The following DCC variants were observed in gnomAD, a reference collection of about 807,000 sequenced individuals.
DCC encodes the protein DCC netrin 1 receptor.
In DCC, 58 loss-of-function variants were observed where a neutral mutation model predicts 172.5. That is an observed-to-expected ratio of 0.34 (90% CI 0.27 to 0.42). DCC has a LOEUF of 0.42. Ranked by LOEUF, DCC falls within the 10% of genes least tolerant of loss-of-function variation. The pLI is 1.00. For missense variants in DCC, 1,740 were observed against 1,791.0 expected, an observed-to-expected ratio of 0.97 and a Z score of 0.51; for synonymous variants, 709 against 644.5, an observed-to-expected ratio of 1.10 and a Z score of -1.52.
intron 1 of DCC, among the ~76,000 whole-genome samples, chr18:52,423,266 C>A (rs917725338): frequency 6.6e-6 from 1 of 152,082 alleles, no homozygotes; most frequent in African/African-American, 2.4e-5. Context: ...TACACAAGTG[C>A]AGAAAAACAA....
At chr18:52,889,569 A>C (rs1438010274) in intron 2 of DCC, among the ~76,000 whole-genome samples, 1 of 152,142 alleles carries the variant, frequency 6.6e-6, no homozygotes, top group African/African-American at 2.4e-5. Context: ...AGTGGGGTAG[A>C]AAATTTATAA....
intron 1 of DCC, among the ~76,000 whole-genome samples, chr18:52,438,718 C>T (rs1003403343): frequency 6.6e-6 from 1 of 152,142 alleles, no homozygotes; most frequent in Non-Finnish European, 1.5e-5. Context: ...TATGTATGTA[C>T]TTGGCACTCA....
chr18:52,496,926 A>T (rs889419871), intron 1 of DCC, among the ~76,000 whole-genome samples: 1 of 152,000 alleles, frequency 6.6e-6, no homozygotes, highest in African/African-American at 2.4e-5. Context: ...AATAGAATAT[A>T]ATCAAGGAGA....
chr18:52,949,877 T>C (rs1943137), intron 5 of DCC, among the ~76,000 whole-genome samples: 3,247 of 152,320 alleles, frequency 0.021, 60 homozygotes, highest in Admixed American at 0.039. Flanking sequence ...CTAACCTCTT[T>C]AGTCTCAATT....
intron 1 of DCC, among the ~76,000 whole-genome samples, chr18:52,602,456 C>T (rs2144819403): frequency 6.7e-6 from 1 of 149,714 alleles, no homozygotes; most frequent in South Asian, 2.1e-4. Flanking sequence ...TTTAAATGCT[C>T]ATTTTTCCCT....
intron 15 of DCC, among the ~76,000 whole-genome samples, chr18:53,343,616 C>A (rs2057687012): frequency 6.6e-6 from 1 of 151,762 alleles, no homozygotes; most frequent in Admixed American, 6.6e-5. Flanking sequence ...CTACAATTTT[C>A]TTTTCCTATA....
intron 1 of DCC, among the ~76,000 whole-genome samples, chr18:52,709,486 G>A (rs909898897): frequency 3.3e-5 from 5 of 152,148 alleles, no homozygotes; most frequent in Non-Finnish European, 7.3e-5. Flanking sequence ...AGGGCCAAGA[G>A]GCTCATGTCA....
At chr18:52,792,418 C>T (rs531439814) in intron 2 of DCC, among the ~76,000 whole-genome samples, 5 of 152,220 alleles carry the variant, frequency 3.3e-5, no homozygotes, top group African/African-American at 1.2e-4. Context: ...TTGCCAACAC[C>T]CCACCAGGGT....
intron 12 of DCC, among the ~76,000 whole-genome samples, chr18:53,289,233 A>T (rs1226926533): frequency 1.3e-5 from 2 of 152,210 alleles, no homozygotes; most frequent in Non-Finnish European, 2.9e-5. Flanking sequence ...TTTAGAAAGG[A>T]ACATTTTACC....
chr18:53,255,816 T>A (rs1026110775), intron 12 of DCC, among the ~76,000 whole-genome samples: 35 of 152,176 alleles, frequency 2.3e-4, no homozygotes, highest in Non-Finnish European at 7.4e-5. Flanking sequence ...TGAACTAGTT[T>A]ACAGTTCCAC....
chr18:52,722,854 T>C (rs9946197), intron 1 of DCC, among the ~76,000 whole-genome samples: 9,524 of 152,218 alleles, frequency 0.063, 974 homozygotes, highest in African/African-American at 0.22. Context: ...TATTCCCTCC[T>C]TTTGGTGGGT....
chr18:52,637,177 A>G (rs189967674), intron 1 of DCC, among the ~76,000 whole-genome samples: 81 of 152,356 alleles, frequency 5.3e-4, no homozygotes, highest in Non-Finnish European at 1.0e-3. Context: ...AACAGACTTC[A>G]GCCCTAGACC....
chr18:52,463,149 T>G (rs1988682867), intron 1 of DCC, among the ~76,000 whole-genome samples: 1 of 152,190 alleles, frequency 6.6e-6, no homozygotes, highest in African/African-American at 2.4e-5. Context: ...ATTTTCTGTT[T>G]TAATTTGAGC....
chr18:53,104,015 A>T (rs2043210074), intron 7 of DCC, among the ~76,000 whole-genome samples: 1 of 152,068 alleles, frequency 6.6e-6, no homozygotes, highest in Non-Finnish European at 1.5e-5. Flanking sequence ...AATAATTTTT[A>T]AAAATTAAAA....
chr18:53,286,885 G>T (rs1338507050), intron 12 of DCC, among the ~76,000 whole-genome samples: 2 of 152,056 alleles, frequency 1.3e-5, no homozygotes, highest in Non-Finnish European at 2.9e-5. Context: ...TCTATCTGGA[G>T]TCTTTGGCAT....
At chr18:53,483,642 T>C (rs2045864295) in intron 25 of DCC, among the ~76,000 whole-genome samples, 1 of 151,896 alleles carries the variant, frequency 6.6e-6, no homozygotes, top group South Asian at 2.1e-4. Context: ...GGGTCTTTTT[T>C]TGATTATATA....
intron 12 of DCC, among the ~76,000 whole-genome samples, chr18:53,221,842 C>G (rs1291526196): frequency 1.3e-5 from 2 of 152,176 alleles, no homozygotes; most frequent in Non-Finnish European, 2.9e-5. Context: ...AGATGCCTCA[C>G]TTCCCATTAT....
chr18:52,555,784 A>C (rs755392822), intron 1 of DCC, among the ~76,000 whole-genome samples: 2 of 152,148 alleles, frequency 1.3e-5, no homozygotes, highest in South Asian at 4.1e-4. Flanking sequence ...ATTTAACCTT[A>C]ATGGAAAAGA....
chr18:53,257,485 A>G (rs1598954305), intron 12 of DCC, among the ~76,000 whole-genome samples: 1 of 152,078 alleles, frequency 6.6e-6, no homozygotes, highest in South Asian at 2.1e-4. Context: ...GGTTTTTGTC[A>G]TTGGTTCTGA....
Sources: gnomAD v4.1 joint callset for allele counts (sites outside exome capture counted in the v4.1 genomes callset) on GRCh38, gnomAD v4.1.1 for gene constraint, MANE v1.5 for transcripts, NCBI Gene and HGNC (gene_info 2026-07-23, HGNC 2026-07-21) for gene names.